Variants in ECHDC2 observed in about 807,000 individuals in gnomAD.
ECHDC2 encodes enoyl-CoA hydratase domain-containing protein 2, mitochondrial.
Under a neutral mutation model 40.6 loss-of-function variants are expected in ECHDC2, and 34 were observed. The observed-to-expected ratio is 0.84, with a 90% CI of 0.64 to 1.11. The LOEUF (loss-of-function observed/expected upper bound fraction) is 1.11, where lower values mean the gene tolerates loss of function less well. Ranked by LOEUF, ECHDC2 falls within the 50% of genes most tolerant of loss-of-function variation. The pLI is 0.00. For missense variants in ECHDC2, 392 were observed against 400.7 expected (o/e 0.98, Z 0.19); for synonymous variants, 162 against 166.6 (o/e 0.97, Z 0.21).
chr1:52,913,429 G>C (rs1362337635), intron 1 of ECHDC2: 2 of 152,200 alleles, frequency 1.3e-5, no homozygotes, highest in East Asian at 3.9e-4. Flanking sequence ...TCACTCAGCA[G>C]ACATTATTCT....
In ECHDC2 at chr1:52,904,515, TAAAC is replaced by T. The variant is rs369616555; in HGVS notation, c.702+127_702+130del. The T allele has an allele frequency of 5.2e-3, 4,397 of 838,232 alleles. 22 individuals are homozygous for T. The highest frequency in any genetic ancestry group is 5.9e-3 in the Non-Finnish European group (3,396 of 573,156). 51.9% of individuals were successfully genotyped at this position (838,232 alleles called of 1,614,324 possible). On this transcript the variant is annotated intron_variant, in intron 7 of 9. Transcript: ENST00000371522. ...GACTTGATTGTGTTTACTGGATGGT[TAAAC>T]AAACTCCAAAGAGGGTTAATCATAT...
chr1:52,899,380 G>C (rs1030573421), intron 7 of ECHDC2, 156 bp from the exon 8 acceptor site: 13 of 647,180 alleles, frequency 2.0e-5, no homozygotes, highest in Non-Finnish European at 2.4e-5. Flanking sequence ...CCTATAACCT[G>C]TTAGCTGAGG....
In ECHDC2 at chr1:52,897,491, G is replaced by C. The variant is rs777215452; in HGVS notation, c.754-7C>G. On this transcript the variant is annotated splice_polypyrimidine_tract_variant and splice_region_variant and intron_variant, in intron 8 of 9. Transcript: ENST00000371522. ...TCCCAGATGCAATGTCCACCTGCAA[G>C]AAAGACGTGCTCCCTGGATTGGTCT... is the stretch of plus-strand genomic sequence containing the variant. 2.4e-5 allele frequency: 38 copies of C among 1,614,178 alleles called. No homozygotes were observed. Among genetic ancestry groups the C allele is most frequent in the Non-Finnish European group, 3.1e-5 (36 of 1,180,028 alleles).
intron 4 of ECHDC2, 65 bp downstream of exon 4, chr1:52,907,803 G>A: frequency 7.4e-7 from 1 of 1,355,222 alleles, no homozygotes; most frequent in Non-Finnish European, 1.0e-6. Context: ...GCTGGTGGGG[G>A]TAGCGGGACT....
At chr1:52,896,685 G>T (rs1369429390) in intron 9 of ECHDC2, 88 bp from the exon 10 acceptor site, 3 of 1,085,792 alleles carry the variant, frequency 2.8e-6, no homozygotes, top group African/African-American at 1.5e-5. Context: ...CCAAGACAAG[G>T]CCAGGGTCCA....
At chr1:52,920,742 G>A in intron 1 of ECHDC2, 1 of 490,268 alleles carries the variant, frequency 2.0e-6, no homozygotes, top group Admixed American at 3.6e-5. Flanking sequence ...ATAAACTTTT[G>A]TTAAAAAAAA....
At chr1:52,919,612 A>G (rs1651456835) in intron 1 of ECHDC2, among the ~76,000 whole-genome samples, 1 of 152,252 alleles carries the variant, frequency 6.6e-6, no homozygotes, top group Non-Finnish European at 1.5e-5. Flanking sequence ...CGCTAAGAAC[A>G]GTGAAGAATG....
At chr1:52,906,427 C>G (rs530412843) in intron 5 of ECHDC2, 92 bp downstream of exon 5, 1 of 1,122,180 alleles carries the variant, frequency 8.9e-7, no homozygotes, top group African/African-American at 1.5e-5. Context: ...AAGCCAAGAA[C>G]AGTGGCTGAC....
At chr1:52,917,928 C>T (rs1325340871) in intron 1 of ECHDC2, among the ~76,000 whole-genome samples, 1 of 152,144 alleles carries the variant, frequency 6.6e-6, no homozygotes. Context: ...TATATATTTA[C>T]AATATTATTT....
intron 1 of ECHDC2, among the ~76,000 whole-genome samples, chr1:52,919,525 C>T (rs1026153557): frequency 2.2e-4 from 33 of 152,246 alleles, no homozygotes; most frequent in Non-Finnish European, 2.1e-4. Context: ...CCCACAATGA[C>T]CACAATCACC....
chr1:52,909,503 C>T (rs1464850096), intron 3 of ECHDC2, among the ~76,000 whole-genome samples: 9 of 148,762 alleles, frequency 6.0e-5, no homozygotes, highest in African/African-American at 2.2e-4. Context: ...TACACTAACA[C>T]CAACGGTAAC....
chr1:52,915,037 A>G (rs1258636805), intron 1 of ECHDC2: 5 of 345,854 alleles, frequency 1.4e-5, no homozygotes, highest in Non-Finnish European at 2.9e-5. Context: ...AGGCCCCCCC[A>G]ATCTGACTCT....
At chr1:52,908,464 T>C (rs1374596726) in intron 3 of ECHDC2, among the ~76,000 whole-genome samples, 1 of 151,168 alleles carries the variant, frequency 6.6e-6, no homozygotes, top group Non-Finnish European at 1.5e-5. Context: ...TCGCACCAAC[T>C]GCACTCCAGC....
chr1:52,896,899 G>GA, intron 9 of ECHDC2: 1 of 347,854 alleles, frequency 2.9e-6, no homozygotes, highest in East Asian at 4.7e-5. Context: ...GCTCAGTAGA[G>GA]AAAAAAATTC....
At chr1:52,902,357 A>G (rs1023195318) in intron 7 of ECHDC2, among the ~76,000 whole-genome samples, 5 of 152,090 alleles carry the variant, frequency 3.3e-5, no homozygotes, top group Admixed American at 3.3e-4. Context: ...GGGTTTTGCC[A>G]TGTTGGCCAG....
Position 52,906,588 on chromosome 1 carries a change from C to A in ECHDC2, c.388G>T (p.Ala130Ser), listed in dbSNP as rs1460358237. ...DIAAFPAPTI[A>S]AMDGFALGGG... Reference sequence around the variant, plus strand: ...CCCAAGGCAAACCCATCCATAGCCGCAATGGTGGGTGCAGGGAAGGCTGCT... The same window carrying A: ...CCCAAGGCAAACCCATCCATAGCCGAAATGGTGGGTGCAGGGAAGGCTGCT... The change falls in exon 5 of 10, where the codon GCG (alanine) becomes TCG (serine). Residue 130 changes from alanine (A) to serine (S), a missense_variant. Coordinates refer to ENST00000371522, the MANE Select transcript of ECHDC2 (RefSeq NM_001198961.2). 1 of 1,612,280 alleles carries A rather than the reference C, an allele frequency of 6.2e-7. No homozygotes were observed. The highest frequency in any genetic ancestry group is 1.1e-5 in the South Asian group (1 of 90,922).
chr1:52,906,474 CT>C (rs758194959), intron 5 of ECHDC2, 44 bp downstream of exon 5: 4 of 1,490,662 alleles, frequency 2.7e-6, no homozygotes, highest in Admixed American at 1.9e-5. Flanking sequence ...TCACTCACCC[CT>C]GACTCCCTAG....
intron 1 of ECHDC2, chr1:52,915,060 G>A: frequency 2.7e-6 from 1 of 367,102 alleles, no homozygotes; most frequent in Non-Finnish European, 5.4e-6. Context: ...CACCCACTCT[G>A]GCCCCAATTC....
chr1:52,906,699 A>T, intron 4 of ECHDC2, 88 bp from the exon 5 acceptor site: 3 of 1,025,072 alleles, frequency 2.9e-6, no homozygotes, highest in Non-Finnish European at 4.3e-6. Context: ...GCTGGTTGGG[A>T]CAGAGGCCTC....
Sources: allele counts gnomAD v4.1 joint callset (sites outside exome capture counted in the v4.1 genomes callset), GRCh38; gene constraint gnomAD v4.1.1; transcripts MANE v1.5; gene names NCBI Gene and HGNC (gene_info 2026-07-23, HGNC 2026-07-21).